The following ASTN2 variants were observed in gnomAD, a reference collection of about 807,000 sequenced individuals.
The protein encoded by ASTN2 is astrotactin 2.
In ASTN2, 54 loss-of-function variants were observed where a neutral mutation model predicts 139.8. That is an observed-to-expected ratio of 0.39 (90% CI 0.31 to 0.48). The LOEUF (loss-of-function observed/expected upper bound fraction) is 0.48, where lower values mean the gene tolerates loss of function less well. Ranked by LOEUF, ASTN2 falls within the 20% of genes least tolerant of loss-of-function variation. The pLI is 0.95. For synonymous variants in ASTN2, 756 were observed against 719.5 expected (o/e 1.05, Z -0.81); for missense variants, 1,565 against 1,725.1 (o/e 0.91, Z 1.64).
chr9:116,875,070 CA>C (rs1297987210), intron 10 of ASTN2, among the ~76,000 whole-genome samples: 1 of 152,060 alleles, frequency 6.6e-6, no homozygotes, highest in African/African-American at 2.4e-5. Context: ...TGTTCAAATG[CA>C]AGGAAATGTC....
chr9:117,273,272 C>T (rs1298597888), intron 2 of ASTN2, among the ~76,000 whole-genome samples: 1 of 152,172 alleles, frequency 6.6e-6, no homozygotes, highest in Admixed American at 6.5e-5. Context: ...GATTCAATTA[C>T]CTCCCCTTGG....
chr9:117,231,814 A>G (rs1832899720), intron 2 of ASTN2, among the ~76,000 whole-genome samples: 1 of 152,162 alleles, frequency 6.6e-6, no homozygotes, highest in African/African-American at 2.4e-5. Context: ...TGGTGTTCAA[A>G]TCCCATTTCT....
chr9:117,072,344 C>T (rs1048593043), intron 5 of ASTN2, among the ~76,000 whole-genome samples: 6 of 152,174 alleles, frequency 3.9e-5, no homozygotes, highest in Admixed American at 3.9e-4. Flanking sequence ...GTTTGAGACA[C>T]TGTGGATCGT....
chr9:116,717,247 A>C (rs1382090918), intron 16 of ASTN2, among the ~76,000 whole-genome samples: 1 of 152,240 alleles, frequency 6.6e-6, no homozygotes, highest in Non-Finnish European at 1.5e-5. Flanking sequence ...AATAGGAAGA[A>C]GACTAGGGTG....
At chr9:117,227,866 A>G (rs1326419237) in intron 2 of ASTN2, among the ~76,000 whole-genome samples, 1 of 152,220 alleles carries the variant, frequency 6.6e-6, no homozygotes, top group Non-Finnish European at 1.5e-5. Context: ...AAGGGATGTC[A>G]GATGCAACTC....
At chr9:116,898,520 A>G (rs1050629261) in intron 10 of ASTN2, among the ~76,000 whole-genome samples, 2 of 152,164 alleles carry the variant, frequency 1.3e-5, no homozygotes, top group Non-Finnish European at 2.9e-5. Flanking sequence ...AGATTGACAA[A>G]ACAGACCAAC....
chr9:116,604,063 T>C (rs910370568), intron 19 of ASTN2, among the ~76,000 whole-genome samples: 12 of 152,114 alleles, frequency 7.9e-5, no homozygotes, highest in Non-Finnish European at 1.5e-4. Flanking sequence ...GCACCCACCA[T>C]ACTATCCCAG....
intron 7 of ASTN2, among the ~76,000 whole-genome samples, chr9:116,984,813 G>A (rs1836631365): frequency 6.6e-6 from 1 of 152,096 alleles, no homozygotes; most frequent in African/African-American, 2.4e-5. Context: ...TAAAATGAGT[G>A]GGTAGTACTT....
At chr9:117,276,297 T>C (rs1834187271) in intron 2 of ASTN2, among the ~76,000 whole-genome samples, 2 of 152,148 alleles carry the variant, frequency 1.3e-5, no homozygotes, top group African/African-American at 4.8e-5. Context: ...CACACGGTTA[T>C]CAAAAGGCTG....
At chr9:117,076,037 A>T (rs1419532322) in intron 5 of ASTN2, among the ~76,000 whole-genome samples, 1 of 152,182 alleles carries the variant, frequency 6.6e-6, no homozygotes, top group East Asian at 1.9e-4. Flanking sequence ...GGCCCTGGGG[A>T]TACAGAGCTG....
chr9:116,550,552 GT>G (rs1280074081), intron 19 of ASTN2, among the ~76,000 whole-genome samples: 14 of 152,154 alleles, frequency 9.2e-5, no homozygotes, highest in Admixed American at 3.3e-4. Flanking sequence ...TGAAAACAGT[GT>G]GGGCAAGGTG....
intron 1 of ASTN2, among the ~76,000 whole-genome samples, chr9:117,360,334 A>C (rs78304408): frequency 9.4e-4 from 143 of 152,288 alleles, no homozygotes; most frequent in Non-Finnish European, 1.6e-3. Flanking sequence ...GAAATCAAGA[A>C]AGAGTCCAGG....
At chr9:116,902,066 GAAATA>G (rs907339848) in intron 10 of ASTN2, among the ~76,000 whole-genome samples, 4 of 152,170 alleles carry the variant, frequency 2.6e-5, no homozygotes, top group African/African-American at 7.2e-5. Context: ...AATATAAAAT[GAAATA>G]AAATAAAATA....
intron 2 of ASTN2, among the ~76,000 whole-genome samples, chr9:117,232,371 G>A (rs1400667490): frequency 6.6e-6 from 1 of 152,066 alleles, no homozygotes; most frequent in Non-Finnish European, 1.5e-5. Context: ...ACTGGATCTG[G>A]AATGAGGCTG....
At chr9:116,781,937 A>C (rs551976908) in intron 13 of ASTN2, among the ~76,000 whole-genome samples, 4 of 152,280 alleles carry the variant, frequency 2.6e-5, no homozygotes, top group African/African-American at 9.6e-5. Flanking sequence ...TACCTCGAGC[A>C]GCTTTCACAA....
chr9:116,448,578 A>G (rs1255549238), intron 20 of ASTN2, among the ~76,000 whole-genome samples: 4 of 152,212 alleles, frequency 2.6e-5, no homozygotes, highest in Non-Finnish European at 5.9e-5. Context: ...GGCAAACAGC[A>G]TGGACTTACA....
intron 10 of ASTN2, among the ~76,000 whole-genome samples, chr9:116,924,644 G>A (rs186827204): frequency 6.6e-6 from 1 of 152,080 alleles, no homozygotes; most frequent in Non-Finnish European, 1.5e-5. Context: ...ACGTTGCCAT[G>A]GCATTTGTAA....
At chr9:117,025,931 T>C (rs1033862257) in intron 6 of ASTN2, among the ~76,000 whole-genome samples, 1 of 151,486 alleles carries the variant, frequency 6.6e-6, no homozygotes, top group Non-Finnish European at 1.5e-5. Context: ...AGCTGGACTA[T>C]TTTTTGTATT....
intron 1 of ASTN2, among the ~76,000 whole-genome samples, chr9:117,364,950 A>AACACACACAC (rs71379275): frequency 2.1e-4 from 26 of 121,542 alleles, no homozygotes; most frequent in South Asian, 5.9e-4. Context: ...CCATCTCTAC[A>AACACACACAC]ACACACACAC....
Sources: allele counts gnomAD v4.1 joint callset (sites outside exome capture counted in the v4.1 genomes callset), GRCh38; gene constraint gnomAD v4.1.1; transcripts MANE v1.5; gene names NCBI Gene and HGNC (gene_info 2026-07-23, HGNC 2026-07-21).